The following TMTC1 variants were observed in gnomAD, a reference collection of about 807,000 sequenced individuals.
TMTC1 encodes the protein protein O-mannosyl-transferase TMTC1.
A neutral mutation model predicts 104.8 loss-of-function variants in TMTC1; 73 were observed. The ratio of observed to expected loss-of-function variants is 0.70; its 90% CI spans 0.58 to 0.85. The LOEUF (loss-of-function observed/expected upper bound fraction) is 0.85. Among genes scored for constraint, TMTC1 ranks in the 40% least tolerant of loss-of-function variants. The pLI, the probability that TMTC1 is intolerant of heterozygous loss-of-function variation, is 0.00. For missense variants in TMTC1, 1,035 were observed against 1,096.1 expected, an observed-to-expected ratio of 0.94 and a Z score of 0.79; for synonymous variants, 434 against 428.7, an observed-to-expected ratio of 1.01 and a Z score of -0.15.
At chr12:29,690,355 T>C (rs1941230671) in intron 5 of TMTC1, among the ~76,000 whole-genome samples, 1 of 152,234 alleles carries the variant, frequency 6.6e-6, no homozygotes, top group African/African-American at 2.4e-5. Flanking sequence ...CTAGGCAATA[T>C]GTGAGATGGG....
In TMTC1 at chr12:29,613,579, G is replaced by T. The variant is rs1423329428; in HGVS notation, c.1129-9280C>A. Reference sequence around the variant, plus strand: ...CCTAGTGTGGAAGAGAGATAGGAGCGCTTAATCATTTTATTCCCTCTCTAA... The same window carrying T: ...CCTAGTGTGGAAGAGAGATAGGAGCTCTTAATCATTTTATTCCCTCTCTAA... On this transcript the variant is annotated intron_variant, in intron 6 of 17. Transcript: ENST00000539277. Among the ~76,000 whole-genome samples the T allele has an allele frequency of 3.3e-5, 5 of 152,116 alleles. No individual in the cohort carries two copies. In the South Asian group the frequency reaches 1.0e-3, roughly 32 times the overall value.
At chr12:29,576,692 T>A (rs1035200588) in intron 8 of TMTC1, among the ~76,000 whole-genome samples, 1 of 152,114 alleles carries the variant, frequency 6.6e-6, no homozygotes, top group Non-Finnish European at 1.5e-5. Context: ...GATGACTAAG[T>A]CTAGAGATCC....
intron 4 of TMTC1, 64 bp downstream of exon 4, chr12:29,755,645 C>CGATTG: frequency 2.3e-6 from 2 of 877,620 alleles, no homozygotes; most frequent in South Asian, 4.7e-5. Flanking sequence ...AGTTTGGAAA[C>CGATTG]TATTAAGTAA....
At position 29,506,973 on chromosome 12, in the gene TMTC1, G is replaced by T; in HGVS notation, c.2522C>A (p.Ser841Tyr). 1 of 1,613,808 alleles carries T rather than the reference G, an allele frequency of 6.2e-7. No individual in the cohort carries two copies. Among genetic ancestry groups the T allele is most frequent in the Non-Finnish European group, 8.5e-7 (1 of 1,179,698 alleles). Residue 841 changes from serine (S) to tyrosine (Y), a missense_variant, in exon 18 of 18, where the codon TCT (serine) becomes TAT (tyrosine). Physicochemically the swap from Ser to Tyr is moderately radical, Grantham distance 144. Transcript: ENST00000539277. ...GGCTCTCTCATAATAAGCTCTTGCA[G>T]ACACATATTTTCCCTGGGGGTGGGA... Reference protein sequence around the residue: ...GIQHIKGKYVSARAYYERALQ... With the variant: ...GIQHIKGKYVYARAYYERALQ...
At chr12:29,585,014 C>T (rs373340625) in intron 7 of TMTC1, among the ~76,000 whole-genome samples, 6 of 149,430 alleles carry the variant, frequency 4.0e-5, no homozygotes, top group Non-Finnish European at 5.9e-5. Flanking sequence ...GGAATCGCCA[C>T]GCTGACTTCC....
chr12:29,601,582 G>A lies in TMTC1; in HGVS notation c.1250+2596C>T, dbSNP rs578095004. Among the ~76,000 whole-genome samples, 17 of 152,192 alleles carry A rather than the reference G, an allele frequency of 1.1e-4. 1 individual carries two copies. In the South Asian group the frequency reaches 3.1e-3, roughly 28 times the overall value. On this transcript the variant is annotated intron_variant, in intron 7 of 17. Coordinates refer to ENST00000539277, the MANE Select transcript of TMTC1 (RefSeq NM_001193451.2). Reference sequence around the variant, plus strand: ...TTGTAATTGAGAAGAATACTAAGATGTTCCTATCAGGGAAGCAATATAGTC... The same window carrying A: ...TTGTAATTGAGAAGAATACTAAGATATTCCTATCAGGGAAGCAATATAGTC...
intron 5 of TMTC1, among the ~76,000 whole-genome samples, chr12:29,740,617 T>C (rs1942800548): frequency 6.6e-6 from 1 of 152,066 alleles, no homozygotes. Context: ...TATAGATACA[T>C]ATATATAATC....
intron 10 of TMTC1, among the ~76,000 whole-genome samples, chr12:29,553,477 G>A (rs1462024538): frequency 1.3e-5 from 2 of 152,122 alleles, no homozygotes; most frequent in African/African-American, 4.8e-5. Flanking sequence ...GGCAAGAGGA[G>A]GTAAACAAGG....
chr12:29,782,219 A>G (rs1256970446), intron 1 of TMTC1, among the ~76,000 whole-genome samples: 1 of 152,284 alleles, frequency 6.6e-6, no homozygotes. Context: ...ACAAATGTCT[A>G]TAACACATTC....
intron 6 of TMTC1, among the ~76,000 whole-genome samples, chr12:29,624,996 A>AT (rs1299181949): frequency 6.6e-6 from 1 of 152,084 alleles, no homozygotes; most frequent in Non-Finnish European, 1.5e-5. Context: ...TTTATTCAGT[A>AT]TTTTTTTCTT....
At chr12:29,612,364 A>G (rs1303669245) in intron 6 of TMTC1, among the ~76,000 whole-genome samples, 1 of 152,166 alleles carries the variant, frequency 6.6e-6, no homozygotes, top group Non-Finnish European at 1.5e-5. Context: ...AGTACTCTGA[A>G]TGCATGTGTG....
chr12:29,589,753 G>A (rs1946230948), intron 7 of TMTC1, among the ~76,000 whole-genome samples: 1 of 152,252 alleles, frequency 6.6e-6, no homozygotes, highest in South Asian at 2.1e-4. Context: ...TGTCTAGTGA[G>A]CACTTCCTGT....
chr12:29,522,395 A>C (rs899534515), intron 11 of TMTC1, among the ~76,000 whole-genome samples: 2 of 152,230 alleles, frequency 1.3e-5, no homozygotes, highest in Non-Finnish European at 2.9e-5. Flanking sequence ...ACTCCAGCAA[A>C]AATAAGGATC....
chr12:29,613,355 A>G (rs1423405214), intron 6 of TMTC1, among the ~76,000 whole-genome samples: 1 of 152,152 alleles, frequency 6.6e-6, no homozygotes, highest in African/African-American at 2.4e-5. Context: ...GAATCAAGAG[A>G]GAACATCTGG....
chr12:29,662,781 T>C (rs1940096314), intron 5 of TMTC1, among the ~76,000 whole-genome samples: 1 of 152,188 alleles, frequency 6.6e-6, no homozygotes, highest in Non-Finnish European at 1.5e-5. Context: ...TCACCTCTCT[T>C]TTCCTCTGCC....
At chr12:29,719,728 G>A (rs1252993323) in intron 5 of TMTC1, among the ~76,000 whole-genome samples, 4 of 152,182 alleles carry the variant, frequency 2.6e-5, no homozygotes. Flanking sequence ...CTTACTTAAT[G>A]AATGCTTTCA....
intron 6 of TMTC1, among the ~76,000 whole-genome samples, chr12:29,616,115 A>C (rs1177783221): frequency 6.6e-6 from 1 of 152,190 alleles, no homozygotes; most frequent in African/African-American, 2.4e-5. Flanking sequence ...GCCCCCCAGT[A>C]AAGAAATATG....
chr12:29,660,798 AC>A, intron 5 of TMTC1: 2 of 1,195,842 alleles, frequency 1.7e-6, no homozygotes, highest in Non-Finnish European at 1.1e-6. Flanking sequence ...ATATATATAT[AC>A]TTACATAACT....
chr12:29,568,856 T>C (rs1189956870), intron 9 of TMTC1: 1 of 454,176 alleles, frequency 2.2e-6, no homozygotes, highest in Non-Finnish European at 4.4e-6. Context: ...TCTACTCCCA[T>C]CACACAAGGT....
Sources: gnomAD v4.1 joint callset for allele counts (sites outside exome capture counted in the v4.1 genomes callset) on GRCh38, gnomAD v4.1.1 for gene constraint, MANE v1.5 for transcripts, NCBI Gene and HGNC (gene_info 2026-07-23, HGNC 2026-07-21) for gene names.